Variants in KLF12 observed in about 807,000 individuals in gnomAD.
The protein encoded by KLF12 is Krueppel-like factor 12.
A neutral mutation model predicts 37.8 loss-of-function variants in KLF12; 9 were observed. The observed-to-expected ratio is 0.24, with a 90% CI of 0.14 to 0.42. The LOEUF is 0.42. Ranked by LOEUF, KLF12 falls within the 10% of genes least tolerant of loss-of-function variation. The pLI, the probability that KLF12 is intolerant of heterozygous loss-of-function variation, is 1.00. For synonymous variants in KLF12, 208 were observed against 202.1 expected (o/e 1.03, Z -0.25); for missense variants, 411 against 516.0 (o/e 0.80, Z 1.97).
chr13:73,952,519 A>G (rs1593775755), intron 2 of KLF12, among the ~76,000 whole-genome samples: 1 of 152,260 alleles, frequency 6.6e-6, no homozygotes, highest in African/African-American at 2.4e-5. Context: ...ACCTTCAACA[A>G]TAAGGTTAAA....
chr13:73,844,973 G>A (rs1163930317), intron 4 of KLF12: 2 of 152,082 alleles, frequency 1.3e-5, no homozygotes, highest in Admixed American at 1.3e-4. Context: ...TTAGATTCAT[G>A]GGTAGTGAAG....
intron 2 of KLF12, among the ~76,000 whole-genome samples, chr13:73,993,939 CCTCA>C (rs1416783869): frequency 5.3e-5 from 8 of 152,200 alleles, no homozygotes; most frequent in Non-Finnish European, 8.8e-5. Context: ...TACAGTTAAT[CCTCA>C]CTAAGTGAAT....
intron 6 of KLF12, among the ~76,000 whole-genome samples, chr13:73,716,226 G>GTTTAAT (rs1178817093): frequency 4.6e-5 from 7 of 152,074 alleles, no homozygotes. Flanking sequence ...TAATCTGAAT[G>GTTTAAT]CCCCAGTAGA....
At chr13:73,726,960 CTTTT>C (rs1876712831) in intron 6 of KLF12, among the ~76,000 whole-genome samples, 3 of 152,150 alleles carry the variant, frequency 2.0e-5, no homozygotes, top group Non-Finnish European at 4.4e-5. Context: ...TAATGTCAGT[CTTTT>C]TAATTTCAGC....
intron 1 of KLF12, among the ~76,000 whole-genome samples, chr13:74,041,666 T>A (rs962959076): frequency 2.0e-5 from 3 of 149,920 alleles, no homozygotes; most frequent in Non-Finnish European, 4.4e-5. Flanking sequence ...AAGATATAGC[T>A]ATGAAATTCC....
At chr13:73,728,016 G>T (rs1876792805) in intron 6 of KLF12, among the ~76,000 whole-genome samples, 1 of 152,156 alleles carries the variant, frequency 6.6e-6, no homozygotes, top group African/African-American at 2.4e-5. Context: ...TTCTGTAAAA[G>T]AAAATGCAGC....
intron 1 of KLF12, among the ~76,000 whole-genome samples, chr13:74,071,392 A>G (rs1429184912): frequency 6.6e-6 from 1 of 152,210 alleles, no homozygotes; most frequent in African/African-American, 2.4e-5. Flanking sequence ...ATCAAGTTTT[A>G]AGAAATGACT....
At chr13:73,982,152 C>T (rs1359601576) in intron 2 of KLF12, among the ~76,000 whole-genome samples, 1 of 152,174 alleles carries the variant, frequency 6.6e-6, no homozygotes, top group Non-Finnish European at 1.5e-5. Flanking sequence ...TTTTGAAAAA[C>T]ATTAACTTCA....
chr13:73,834,446 T>C (rs1884320484), intron 4 of KLF12, among the ~76,000 whole-genome samples: 1 of 152,246 alleles, frequency 6.6e-6, no homozygotes, highest in African/African-American at 2.4e-5. Context: ...TCCTACATTC[T>C]GTTTTCCTGA....
At chr13:74,294,161 G>GTA in the KLF12 span, among the ~76,000 whole-genome samples, 27 of 152,342 alleles carry the variant, frequency 1.8e-4, no homozygotes, top group Admixed American at 2.6e-4. Flanking sequence ...ACCACACTTT[G>GTA]AGTAAGTAGC....
upstream of KLF12, among the ~76,000 whole-genome samples, chr13:74,138,030 A>G (rs758237920): frequency 7.2e-5 from 11 of 152,270 alleles, no homozygotes; most frequent in African/African-American, 1.2e-4. Context: ...TGCCGGGATT[A>G]CAGGCGGGAG....
intron 3 of KLF12, among the ~76,000 whole-genome samples, chr13:73,940,128 G>A (rs1226930248): frequency 6.6e-6 from 1 of 152,148 alleles, no homozygotes; most frequent in Non-Finnish European, 1.5e-5. Context: ...GGGTGTGATA[G>A]TTCTAATACT....
intron 4 of KLF12, among the ~76,000 whole-genome samples, chr13:73,838,874 G>A (rs1047143154): frequency 6.6e-6 from 1 of 152,092 alleles, no homozygotes; most frequent in African/African-American, 2.4e-5. Context: ...AAAGGATAGT[G>A]GTTAGGAAAG....
At chr13:74,147,942 C>T in the KLF12 span, among the ~76,000 whole-genome samples, 1 of 151,642 alleles carries the variant, frequency 6.6e-6, no homozygotes, top group Non-Finnish European at 1.5e-5. Flanking sequence ...GACAGAGTCT[C>T]ACTCTGTCGC....
At chr13:74,253,602 CCTA>C in the KLF12 span, among the ~76,000 whole-genome samples, 1 of 152,140 alleles carries the variant, frequency 6.6e-6, no homozygotes, top group African/African-American at 2.4e-5. Context: ...AATGCTCTGT[CCTA>C]CTCATTTTTC....
intron 1 of KLF12, among the ~76,000 whole-genome samples, chr13:74,090,977 A>T (rs1259157492): frequency 6.6e-6 from 1 of 151,914 alleles, no homozygotes; most frequent in African/African-American, 2.4e-5. Context: ...TTCCATTTCG[A>T]AACTTACTAC....
At chr13:73,769,034 T>C (rs1304386532) in intron 5 of KLF12, among the ~76,000 whole-genome samples, 1 of 152,190 alleles carries the variant, frequency 6.6e-6, no homozygotes, top group Non-Finnish European at 1.5e-5. Context: ...AGATATAAAG[T>C]GGAAGTAATG....
At chr13:74,283,647 A>G in the KLF12 span, among the ~76,000 whole-genome samples, 2 of 152,258 alleles carry the variant, frequency 1.3e-5, no homozygotes, top group African/African-American at 2.4e-5. Context: ...TTCATTCCTT[A>G]TTCCATAACT....
intron 3 of KLF12, among the ~76,000 whole-genome samples, chr13:73,861,438 T>G (rs1230920053): frequency 6.6e-6 from 1 of 152,228 alleles, no homozygotes; most frequent in African/African-American, 2.4e-5. Context: ...CTAGAACTTC[T>G]GCATTGGCAT....
Sources: gnomAD v4.1 joint callset for allele counts (sites outside exome capture counted in the v4.1 genomes callset) on GRCh38, gnomAD v4.1.1 for gene constraint, MANE v1.5 for transcripts, NCBI Gene and HGNC (gene_info 2026-07-23, HGNC 2026-07-21) for gene names.